ZSWIM6: variants seen among roughly 807,000 people sequenced by gnomAD.
ZSWIM6 encodes the protein zinc finger SWIM-type containing 6.
Under a neutral mutation model 113.2 loss-of-function variants are expected in ZSWIM6, and 9 were observed. The observed-to-expected ratio is 0.08, with a 90% CI of 0.05 to 0.14. The LOEUF (loss-of-function observed/expected upper bound fraction) is 0.14, where lower values mean the gene tolerates loss of function less well. ZSWIM6 is among the 10% of genes least tolerant of loss of function. ZSWIM6 has a pLI of 1.00. For synonymous variants in ZSWIM6, 611 were observed against 606.5 expected (o/e 1.01, Z -0.11); for missense variants, 1,162 against 1,552.2 (o/e 0.75, Z 4.22).
At chr5:61,413,072 G>A (rs920041214) in intron 1 of ZSWIM6, among the ~76,000 whole-genome samples, 10 of 149,050 alleles carry the variant, frequency 6.7e-5, no homozygotes, top group South Asian at 2.1e-4. Context: ...TGCACAATGT[G>A]CAGGTTAGTT....
intron 2 of ZSWIM6, among the ~76,000 whole-genome samples, chr5:61,480,628 C>T (rs1747830139): frequency 6.6e-6 from 1 of 152,118 alleles, no homozygotes; most frequent in Admixed American, 6.5e-5. Flanking sequence ...CATTACTTAC[C>T]CCTTTGAAAG....
Position 61,543,002 on chromosome 5 carries a change from C to T in ZSWIM6, c.2786-453C>T, listed in dbSNP as rs868223589. On this transcript the variant is annotated intron_variant, in intron 13 of 13. Coordinates refer to ENST00000252744, the MANE Select transcript of ZSWIM6 (RefSeq NM_020928.2). This position sits in a 1 kb window ranked among gnomAD's most constrained non-coding sequence, Gnocchi z 4.3. ...TGACTTTGTTCTCTTGATTATGGGC[C>T]ACATTTTCCAGCTTCTTTGTGTGTT... Among the ~76,000 whole-genome samples, 2 of 152,152 alleles carry T rather than the reference C, an allele frequency of 1.3e-5. No individual in the cohort carries two copies. Among genetic ancestry groups the T allele is most frequent in the Non-Finnish European group, 2.9e-5 (2 of 68,032 alleles).
At chr5:61,471,693 G>T (rs1207390036) in intron 1 of ZSWIM6, among the ~76,000 whole-genome samples, 1 of 152,188 alleles carries the variant, frequency 6.6e-6, no homozygotes, top group Non-Finnish European at 1.5e-5. Context: ...TAGGTTGCAT[G>T]CTCCTTATGA....
intron 1 of ZSWIM6, among the ~76,000 whole-genome samples, chr5:61,368,942 C>T (rs1745212611): frequency 6.6e-6 from 1 of 152,180 alleles, no homozygotes; most frequent in Non-Finnish European, 1.5e-5. Flanking sequence ...ACCTGCCTTG[C>T]TTAACTAAAA....
rs548808348 is a variant in ZSWIM6 at position 61,534,951 on chromosome 5, TAG to T, written c.2246-530_2246-529del. On this transcript the variant is annotated intron_variant, in intron 9 of 13. Transcript: ENST00000252744. Reference sequence around the variant, plus strand: ...GGAATTAATATCTGTTGCCACTCATTAGAGGCAACAATGTGTATAGTTAGAGA... The same window carrying T: ...GGAATTAATATCTGTTGCCACTCATTAGGCAACAATGTGTATAGTTAGAGA... Among the ~76,000 whole-genome samples, 65 of 152,306 alleles carry T rather than the reference TAG, an allele frequency of 4.3e-4. No individual in the cohort carries two copies. In the East Asian group the frequency reaches 0.01, roughly 24 times the overall value.
intron 1 of ZSWIM6, among the ~76,000 whole-genome samples, chr5:61,411,910 T>C (rs1746154701): frequency 1.3e-5 from 2 of 152,194 alleles, no homozygotes; most frequent in South Asian, 4.1e-4. Context: ...ATGCAGACCA[T>C]AGCATGCATT....
chr5:61,496,012 T>G (rs988064518), intron 4 of ZSWIM6, among the ~76,000 whole-genome samples: 2 of 152,176 alleles, frequency 1.3e-5, no homozygotes, highest in Non-Finnish European at 2.9e-5. Context: ...TACAGTCAAA[T>G]AAAATTTGCA....
chr5:61,456,661 G>A (rs1747210877), intron 1 of ZSWIM6, among the ~76,000 whole-genome samples: 1 of 152,268 alleles, frequency 6.6e-6, no homozygotes, highest in Middle Eastern at 3.4e-3. Flanking sequence ...AAGGGAAAGA[G>A]GCAAGGTACA....
chr5:61,355,440 ACACACACAC>A (rs1744881143), intron 1 of ZSWIM6, among the ~76,000 whole-genome samples: 1,436 of 40,522 alleles, frequency 0.035, 14 homozygotes, highest in Middle Eastern at 0.061. Flanking sequence ...AAACACACAC[ACACACACAC>A]ACACACACAC....
chr5:61,498,372 T>C (rs932079793), intron 4 of ZSWIM6, among the ~76,000 whole-genome samples: 12 of 152,232 alleles, frequency 7.9e-5, no homozygotes, highest in African/African-American at 2.9e-4. Context: ...TGAGCTTTGC[T>C]CATTCAGTTC....
At chr5:61,447,638 G>A (rs1746992361) in intron 1 of ZSWIM6, among the ~76,000 whole-genome samples, 1 of 152,118 alleles carries the variant, frequency 6.6e-6, no homozygotes, top group African/African-American at 2.4e-5. Context: ...TTCTTAGGAG[G>A]GCTTCTAAGA....
chr5:61,417,368 A>C (rs1479591561), intron 1 of ZSWIM6, among the ~76,000 whole-genome samples: 1 of 152,194 alleles, frequency 6.6e-6, no homozygotes, highest in African/African-American at 2.4e-5. Flanking sequence ...AAAATTATTC[A>C]AGTTCAGTTT....
chr5:61,404,628 CTT>C (rs1480314218), intron 1 of ZSWIM6, among the ~76,000 whole-genome samples: 1 of 152,210 alleles, frequency 6.6e-6, no homozygotes, highest in Non-Finnish European at 1.5e-5. Context: ...GTAGCTGCCT[CTT>C]TGTTTGCTGG....
Position 61,365,714 on chromosome 5 carries a change from A to G in ZSWIM6, c.676+32766A>G, listed in dbSNP as rs1211323971. On this transcript the variant is annotated intron_variant, in intron 1 of 13. Coordinates refer to ENST00000252744, the MANE Select transcript of ZSWIM6 (RefSeq NM_020928.2). ...CTTAGGTTTGTCTAATGGGCTCATCACTGAAAGATGGAGTCAATTCCCTTT... is the reference window on the plus strand; with the variant it reads ...CTTAGGTTTGTCTAATGGGCTCATCGCTGAAAGATGGAGTCAATTCCCTTT... 2.0e-5 allele frequency among the ~76,000 whole-genome samples: 3 copies of G among 152,124 alleles called. No homozygotes were observed. In the East Asian group the frequency reaches 5.8e-4, roughly 29 times the overall value.
At chr5:61,539,173 A>G (rs944244482) in intron 11 of ZSWIM6, among the ~76,000 whole-genome samples, 2 of 152,232 alleles carry the variant, frequency 1.3e-5, no homozygotes, top group African/African-American at 4.8e-5. Flanking sequence ...CTGCCAGCAG[A>G]GTTCAGGTTA....
intron 2 of ZSWIM6, among the ~76,000 whole-genome samples, chr5:61,485,682 T>G (rs568542453): frequency 6.6e-6 from 1 of 152,194 alleles, no homozygotes; most frequent in East Asian, 1.9e-4. Flanking sequence ...CTGCTGTCAT[T>G]GCTGTTTTTC....
intron 9 of ZSWIM6, among the ~76,000 whole-genome samples, chr5:61,534,709 C>T (rs185366262): frequency 1.2e-4 from 19 of 152,252 alleles, no homozygotes; most frequent in African/African-American, 4.6e-4. Context: ...GTTCTCAAAG[C>T]AGCATTCAGG....
chr5:61,455,362 G>A (rs1213262565), intron 1 of ZSWIM6, among the ~76,000 whole-genome samples: 1 of 152,128 alleles, frequency 6.6e-6, no homozygotes, highest in Non-Finnish European at 1.5e-5. Context: ...GACAAAGGAA[G>A]GGCCTGTGAT....
chr5:61,492,873 C>G (rs1277814441), intron 3 of ZSWIM6, among the ~76,000 whole-genome samples: 1 of 152,052 alleles, frequency 6.6e-6, no homozygotes, highest in African/African-American at 2.4e-5. Flanking sequence ...TTCTCCTTTC[C>G]TTGCCTTTCA....
Sources: allele counts gnomAD v4.1 joint callset (sites outside exome capture counted in the v4.1 genomes callset), GRCh38; gene constraint gnomAD v4.1.1; non-coding constraint Gnocchi (gnomAD v3.1); transcripts MANE v1.5; gene names NCBI Gene and HGNC (gene_info 2026-07-23, HGNC 2026-07-21).